The following MIB1 variants were observed in gnomAD, a reference collection of about 807,000 sequenced individuals.
MIB1 encodes E3 ubiquitin-protein ligase MIB1.
In MIB1, 278 loss-of-function variants were observed where a neutral mutation model predicts 124.5. The observed-to-expected ratio is 2.23, with a 90% CI of 2.02 to 2.47. MIB1 has a LOEUF of 2.47. Ranked by LOEUF, MIB1 falls within the 30% of genes most tolerant of loss-of-function variation. The probability of loss-of-function intolerance (pLI) is 0.00; values close to 1 mark genes in which losing one functional copy is unlikely to be tolerated. For synonymous variants in MIB1, 446 were observed against 429.4 expected, an observed-to-expected ratio of 1.04 and a Z score of -0.48; for missense variants, 957 against 1,254.4, an observed-to-expected ratio of 0.76 and a Z score of 3.58.
intron 10 of MIB1, among the ~76,000 whole-genome samples, chr18:21,807,054 G>A (rs568010092): frequency 2.1e-4 from 32 of 152,204 alleles, no homozygotes; most frequent in Non-Finnish European, 3.8e-4. Flanking sequence ...AAGCAGGTGC[G>A]GTTTGTAGAA....
At chr18:21,707,462 G>A (rs530011191) in intron 1 of MIB1, among the ~76,000 whole-genome samples, 1 of 152,336 alleles carries the variant, frequency 6.6e-6, no homozygotes, top group African/African-American at 2.4e-5. Context: ...CTTCCACGTT[G>A]TGGAAGCTTT....
At chr18:21,782,184 G>A (rs923926944) in intron 6 of MIB1, among the ~76,000 whole-genome samples, 2 of 151,950 alleles carry the variant, frequency 1.3e-5, no homozygotes, top group Non-Finnish European at 2.9e-5. Flanking sequence ...GTGCAATGGC[G>A]CGATCTCAGC....
intron 6 of MIB1, among the ~76,000 whole-genome samples, chr18:21,786,324 C>A (rs1003156426): frequency 2.0e-5 from 3 of 152,166 alleles, no homozygotes; most frequent in Admixed American, 6.5e-5. Flanking sequence ...GTCTCAATCT[C>A]CTGACCTTGT....
chr18:21,825,118 A>G (rs1433298532), intron 12 of MIB1, among the ~76,000 whole-genome samples: 1 of 152,114 alleles, frequency 6.6e-6, no homozygotes, highest in Non-Finnish European at 1.5e-5. Flanking sequence ...CAGGGTCAGA[A>G]GAACTAGATA....
upstream of MIB1, among the ~76,000 whole-genome samples, chr18:21,736,771 C>G (rs1161365477): frequency 1.3e-5 from 2 of 152,024 alleles, no homozygotes; most frequent in Middle Eastern, 3.4e-3. Context: ...ATATCAGAGA[C>G]TGAAGATCAA....
chr18:21,859,492 G>GTTTCTTGATCTGAGTACCAGATAAATGAA (rs1289409426), intron 20 of MIB1, among the ~76,000 whole-genome samples: 4 of 151,964 alleles, frequency 2.6e-5, no homozygotes, highest in Non-Finnish European at 5.9e-5. Flanking sequence ...TGGATGCTCT[G>GTTTCTTGATCTGAGTACCAGATAAATGAA]TTTCTTGATC....
intron 4 of MIB1, among the ~76,000 whole-genome samples, chr18:21,776,210 G>C (rs547259912): frequency 8.6e-5 from 13 of 151,024 alleles, no homozygotes; most frequent in Non-Finnish European, 1.3e-4. Context: ...AGGAGGTCGA[G>C]GCTGCAGTGA....
intron 12 of MIB1, among the ~76,000 whole-genome samples, chr18:21,834,204 G>A (rs974758827): frequency 1.8e-4 from 27 of 152,180 alleles, no homozygotes; most frequent in Non-Finnish European, 3.8e-4. Context: ...TGCTGTTGAC[G>A]TGAGAGTGAT....
At chr18:21,855,711 A>T (rs1312553349) in intron 18 of MIB1, among the ~76,000 whole-genome samples, 1 of 152,194 alleles carries the variant, frequency 6.6e-6, no homozygotes, top group Non-Finnish European at 1.5e-5. Context: ...TACTTTGTCC[A>T]CATCAGTGGT....
chr18:21,846,636 T>C (rs1434557641), intron 15 of MIB1, among the ~76,000 whole-genome samples: 1 of 152,198 alleles, frequency 6.6e-6, no homozygotes, highest in Non-Finnish European at 1.5e-5. Flanking sequence ...TTGAGTTCTG[T>C]TGGGCTTAAT....
chr18:21,738,826 A>C (rs2040808157), upstream of MIB1, among the ~76,000 whole-genome samples: 6 of 42,804 alleles, frequency 1.4e-4, 1 homozygote, highest in Admixed American at 2.4e-4. Flanking sequence ...AAAAAAAAAA[A>C]AAAAAAAAAA....
chr18:21,858,778 A>C (rs2042249487), intron 20 of MIB1, 132 bp downstream of exon 20: 3 of 555,108 alleles, frequency 5.4e-6, no homozygotes, highest in Admixed American at 3.0e-5. Flanking sequence ...ATTTGCAATG[A>C]GTAATAATCT....
rs1000714615 is a variant in MIB1, at chr18:21,792,339, C to A, written c.1092+782C>A. Among the ~76,000 whole-genome samples, 8 of 152,048 alleles carry A rather than the reference C, an allele frequency of 5.3e-5. No homozygotes were observed. In the South Asian group the frequency reaches 6.2e-4, roughly 12 times the overall value. On this transcript the variant is annotated intron_variant, in intron 7 of 20. Coordinates refer to ENST00000261537, the MANE Select transcript of MIB1 (RefSeq NM_020774.4). ...GTCCCATGTACTTCATCTCACATCC[C>A]TCTTAGTATCCTATTACCCCCACTC...
At position 21,804,032 on chromosome 18, in the gene MIB1, A is replaced by G. The variant is rs12605999; in HGVS notation, c.1479+18A>G. On this transcript the variant is annotated intron_variant, in intron 10 of 20. Transcript: ENST00000261537. ...AAGCAGAGGTAAGTAAACTTGAAAA[A>G]TATTTTAAGTAAACATTTATTTCCT... 7.3e-3 allele frequency: 11,034 copies of G among 1,515,344 alleles called. 584 individuals carry two copies. In the East Asian group the frequency reaches 0.16, roughly 22 times the overall value. The allele number at this position is 1,515,344 out of a possible 1,614,324, so 93.9% of individuals were successfully genotyped here. A position where few individuals can be genotyped will look rare whatever the true frequency, so the allele number is the denominator to read the frequency against.
At position 21,745,675 on chromosome 18, in the gene MIB1, A is replaced by AACACACACACACAC. The variant is rs144491531; in HGVS notation, c.229+3885_229+3898dup. ...CCCCATGGTGAGTGCATAGGTGTTAAACACACACACACACACACACACACA... is the reference window on the plus strand; with the variant it reads ...CCCCATGGTGAGTGCATAGGTGTTAAACACACACACACACACACACACACACACACACACACACA... On this transcript the variant is annotated intron_variant, in intron 1 of 20. Coordinates refer to ENST00000261537, the MANE Select transcript of MIB1 (RefSeq NM_020774.4). 1.0e-2 allele frequency among the ~76,000 whole-genome samples: 1,445 copies of AACACACACACACAC among 144,732 alleles called. 15 individuals carry two copies. Among genetic ancestry groups the AACACACACACACAC allele is most frequent in the African/African-American group, 0.028 (1,114 of 39,420 alleles). 94.9% of individuals were successfully genotyped at this position (144,732 alleles called of 152,430 possible). A position where few individuals can be genotyped will look rare whatever the true frequency, so the allele number is the denominator to read the frequency against.
At chr18:21,748,730 CTTTT>C (rs557338460) in intron 1 of MIB1, among the ~76,000 whole-genome samples, 2 of 107,118 alleles carry the variant, frequency 1.9e-5, no homozygotes, top group Admixed American at 1.0e-4. Flanking sequence ...CATGCCCAGC[CTTTT>C]TTTTTTTTTT....
upstream of MIB1, among the ~76,000 whole-genome samples, chr18:21,739,291 A>G (rs774005061): frequency 1.3e-5 from 2 of 152,196 alleles, no homozygotes; most frequent in Non-Finnish European, 2.9e-5. Flanking sequence ...TGAGGCAATA[A>G]GTAATAGCCT....
chr18:21,830,344 A>C (rs2041967054), intron 12 of MIB1, among the ~76,000 whole-genome samples: 1 of 152,176 alleles, frequency 6.6e-6, no homozygotes, highest in Non-Finnish European at 1.5e-5. Context: ...TAGAGATGCA[A>C]AATCATCACT....
intron 2 of MIB1, 35 bp from the exon 3 acceptor site, chr18:21,768,588 T>A: frequency 7.1e-7 from 1 of 1,405,896 alleles, no homozygotes; most frequent in East Asian, 2.6e-5. Context: ...TACCTATTTT[T>A]ATATAAACTT....
Sources: gnomAD v4.1 joint callset for allele counts (sites outside exome capture counted in the v4.1 genomes callset) on GRCh38, gnomAD v4.1.1 for gene constraint, MANE v1.5 for transcripts, NCBI Gene and HGNC (gene_info 2026-07-23, HGNC 2026-07-21) for gene names.